Variants in USP32 observed in about 807,000 individuals in gnomAD.
USP32 encodes ubiquitin carboxyl-terminal hydrolase 32.
A neutral mutation model predicts 204.8 loss-of-function variants in USP32; 59 were observed. That is an observed-to-expected ratio of 0.29 (90% CI 0.23 to 0.36). The LOEUF (loss-of-function observed/expected upper bound fraction) is 0.36, where lower values mean the gene tolerates loss of function less well. Ranked by LOEUF, USP32 falls within the 10% of genes least tolerant of loss-of-function variation. The pLI, the probability that USP32 is intolerant of heterozygous loss-of-function variation, is 1.00. For missense variants in USP32, 1,160 were observed against 1,946.4 expected (o/e 0.60, Z 7.60); for synonymous variants, 517 against 678.4 (o/e 0.76, Z 3.70).
chr17:60,385,719 G>A (rs1245260416), intron 1 of USP32, among the ~76,000 whole-genome samples: 2 of 151,426 alleles, frequency 1.3e-5, no homozygotes. Flanking sequence ...GTGGGTGCCT[G>A]TAATCCCAGC....
intron 1 of USP32, among the ~76,000 whole-genome samples, chr17:60,409,661 T>G (rs1224563859): frequency 3.9e-5 from 6 of 152,232 alleles, no homozygotes; most frequent in African/African-American, 1.4e-4. Flanking sequence ...ATTTTGCTTC[T>G]AACCTCAAAG....
At chr17:60,198,801 G>C (rs779293089) in intron 26 of USP32, among the ~76,000 whole-genome samples, 11 of 152,246 alleles carry the variant, frequency 7.2e-5, no homozygotes, top group Admixed American at 2.6e-4. Context: ...AACAATTAAG[G>C]CTCTTTCTTT....
chr17:60,208,585 C>T, intron 23 of USP32, 69 bp downstream of exon 23: 1 of 1,446,606 alleles, frequency 6.9e-7, no homozygotes, highest in South Asian at 1.6e-5. Context: ...ACTATGCTTA[C>T]AAATTCAGGC....
Position 60,392,125 on chromosome 17 carries a change from C to T in USP32, c.-186G>A. The T allele has an allele frequency of 5.1e-6, 3 of 589,060 alleles. No homozygotes were observed. Among genetic ancestry groups the T allele is most frequent in the Non-Finnish European group, 2.9e-6 (1 of 340,626 alleles). 36.5% of individuals were successfully genotyped at this position (589,060 alleles called of 1,614,324 possible). ...CCGGTCGCCGCCACCGCCTCCATGC[C>T]GGATCACGTGACTCTTCCGCCCCGC... On this transcript the variant is annotated 5_prime_UTR_variant, in exon 1 of 34. Coordinates refer to ENST00000300896, the MANE Select transcript of USP32 (RefSeq NM_032582.4).
chr17:60,353,541 G>A (rs1316034194), intron 1 of USP32, among the ~76,000 whole-genome samples: 3 of 152,080 alleles, frequency 2.0e-5, no homozygotes, highest in African/African-American at 7.2e-5. Flanking sequence ...AGGAGTTCGA[G>A]ACCAGCTTGG....
At chr17:60,189,091 G>A (rs1321861930) in intron 29 of USP32, among the ~76,000 whole-genome samples, 3 of 152,230 alleles carry the variant, frequency 2.0e-5, no homozygotes, top group Non-Finnish European at 4.4e-5. Flanking sequence ...GTAATGTCTT[G>A]TCAGATTTTG....
At chr17:60,337,001 G>C (rs1218746820) in intron 2 of USP32, among the ~76,000 whole-genome samples, 1 of 152,194 alleles carries the variant, frequency 6.6e-6, no homozygotes, top group Non-Finnish European at 1.5e-5. Context: ...GTGACCAACA[G>C]TATCAAGAGT....
At chr17:60,206,110 G>A (rs2084818816) in intron 25 of USP32, among the ~76,000 whole-genome samples, 1 of 150,634 alleles carries the variant, frequency 6.6e-6, no homozygotes, top group Non-Finnish European at 1.5e-5. Flanking sequence ...CTTGAACCCA[G>A]GAGCTAGTGA....
intron 11 of USP32, among the ~76,000 whole-genome samples, chr17:60,247,864 T>G (rs1567800784): frequency 6.6e-6 from 1 of 152,142 alleles, no homozygotes; most frequent in Non-Finnish European, 1.5e-5. Context: ...TTTTGTATTT[T>G]TAGTAGAGAC....
At chr17:60,263,712 G>A (rs919345798) in intron 9 of USP32, among the ~76,000 whole-genome samples, 3 of 152,116 alleles carry the variant, frequency 2.0e-5, no homozygotes, top group East Asian at 1.9e-4. Flanking sequence ...TCATACACAC[G>A]AAATAGAAGT....
At chr17:60,339,271 A>T (rs569108654) in intron 2 of USP32, among the ~76,000 whole-genome samples, 1 of 152,166 alleles carries the variant, frequency 6.6e-6, no homozygotes, top group Admixed American at 6.5e-5. Flanking sequence ...GTCTAATGAG[A>T]TATGCACATA....
intron 1 of USP32, among the ~76,000 whole-genome samples, chr17:60,419,515 G>C (rs1358722059): frequency 6.6e-6 from 1 of 151,952 alleles, no homozygotes; most frequent in African/African-American, 2.4e-5. Flanking sequence ...GGTGGATCAC[G>C]AGGTCAGGAG....
At chr17:60,195,856 T>C (rs974733118) in intron 27 of USP32, among the ~76,000 whole-genome samples, 2 of 152,224 alleles carry the variant, frequency 1.3e-5, no homozygotes, top group Non-Finnish European at 2.9e-5. Flanking sequence ...CCCACTTGAA[T>C]ATATCATAGA....
chr17:60,397,827 T>C (rs1003293542), intron 1 of USP32, among the ~76,000 whole-genome samples: 5 of 152,164 alleles, frequency 3.3e-5, no homozygotes, highest in African/African-American at 7.2e-5. Flanking sequence ...TGCCTACGTA[T>C]AGGTATTTAA....
At chr17:60,251,932 T>C (rs915937993) in intron 11 of USP32, among the ~76,000 whole-genome samples, 1 of 152,016 alleles carries the variant, frequency 6.6e-6, no homozygotes, top group Non-Finnish European at 1.5e-5. Flanking sequence ...GGGAATAAAG[T>C]AGGTATTTCA....
In USP32 at chr17:60,388,362, G is replaced by C. The variant is rs1442906160; in HGVS notation, c.58+3520C>G. ...CCTGTTTCCAGAAAGATGAAAGGAA[G>C]GACAGAGAAGCAGATAAGACAGAAG... On this transcript the variant is annotated intron_variant, in intron 1 of 33. Transcript: ENST00000300896. Among the ~76,000 whole-genome samples the C allele has an allele frequency of 3.3e-5, 5 of 149,524 alleles. No homozygotes were observed. In the South Asian group the frequency reaches 1.0e-3, roughly 31 times the overall value.
chr17:60,180,443 A>G, intron 33 of USP32, 102 bp downstream of exon 33: 2 of 1,280,908 alleles, frequency 1.6e-6, no homozygotes, highest in Non-Finnish European at 1.1e-6. Flanking sequence ...TAACAGAAAT[A>G]TCTATTTCCT....
chr17:60,326,543 C>A (rs373281525), intron 2 of USP32, among the ~76,000 whole-genome samples: 1 of 152,146 alleles, frequency 6.6e-6, no homozygotes, highest in Non-Finnish European at 1.5e-5. Context: ...GGGTGATCCA[C>A]CCACCTTGGC....
At chr17:60,317,247 C>T (rs1173436376) in intron 2 of USP32, among the ~76,000 whole-genome samples, 1 of 152,094 alleles carries the variant, frequency 6.6e-6, no homozygotes, top group Non-Finnish European at 1.5e-5. Context: ...GGCACAGTGG[C>T]TCATGCCTAT....
Sources: gnomAD v4.1 joint callset for allele counts (sites outside exome capture counted in the v4.1 genomes callset) on GRCh38, gnomAD v4.1.1 for gene constraint, MANE v1.5 for transcripts, NCBI Gene and HGNC (gene_info 2026-07-23, HGNC 2026-07-21) for gene names.